The following TMEM242 variants were observed in gnomAD, a reference collection of about 807,000 sequenced individuals.
TMEM242 encodes the protein UPF0463 transmembrane protein C6orf35.
Under a neutral mutation model 18.2 loss-of-function variants are expected in TMEM242, and 10 were observed. That is an observed-to-expected ratio of 0.55 (90% CI 0.34 to 0.93). The LOEUF (loss-of-function observed/expected upper bound fraction) is 0.93. Ranked by LOEUF, TMEM242 falls within the 40% of genes least tolerant of loss-of-function variation. The probability of loss-of-function intolerance (pLI) is 0.02; values close to 1 mark genes in which losing one functional copy is unlikely to be tolerated. For synonymous variants in TMEM242, 57 were observed against 69.9 expected (o/e 0.81, Z 0.92); for missense variants, 186 against 175.5 (o/e 1.06, Z -0.34).
intron 3 of TMEM242, among the ~76,000 whole-genome samples, chr6:157,315,769 A>G (rs1011297134): frequency 4.6e-5 from 7 of 152,204 alleles, no homozygotes; most frequent in African/African-American, 1.7e-4. Context: ...TTCACATTCT[A>G]CCCATCTTCA....
At chr6:157,295,754 G>C (rs765696822) in intron 3 of TMEM242, among the ~76,000 whole-genome samples, 43 of 152,252 alleles carry the variant, frequency 2.8e-4, no homozygotes, top group Non-Finnish European at 5.7e-4. Flanking sequence ...TATCTGAAAA[G>C]TAACTAACTA....
At chr6:157,298,430 G>A (rs1777780304) in intron 3 of TMEM242, among the ~76,000 whole-genome samples, 1 of 152,112 alleles carries the variant, frequency 6.6e-6, no homozygotes, top group South Asian at 2.1e-4. Context: ...GCTACCATCA[G>A]ATCACTATTT....
chr6:157,291,311 C>T lies in TMEM242; in HGVS notation c.*1590G>A, dbSNP rs1395723903. The T allele has an allele frequency of 2.0e-5, 3 of 151,844 alleles. No individual in the cohort carries two copies. The highest frequency in any genetic ancestry group is 7.2e-5 in the African/African-American group (3 of 41,428). 9.4% of individuals were successfully genotyped at this position (151,844 alleles called of 1,614,324 possible). ...GTAGTGCCCATTCTTTTTCCCCCCA[C>T]ATCAAACGAGTAAAGTGCATCGTTG... is the stretch of plus-strand genomic sequence containing the variant. On this transcript the variant is annotated 3_prime_UTR_variant, in exon 4 of 4. Transcript: ENST00000400788.
Position 157,291,804 on chromosome 6 carries a change from GCTGA to G in TMEM242, c.*1093_*1096del, listed in dbSNP as rs1777687900. On this transcript the variant is annotated 3_prime_UTR_variant, in exon 4 of 4. Coordinates refer to ENST00000400788, the MANE Select transcript of TMEM242 (RefSeq NM_018452.6). ...CAAATGTCCTTTATTAAACCTGATT[GCTGA>G]CTAATTAGAGCCTAGGCAAGTAGGA... is the stretch of plus-strand genomic sequence containing the variant. 1.3e-5 allele frequency: 2 copies of G among 152,324 alleles called. No homozygotes were observed. Among genetic ancestry groups the G allele is most frequent in the South Asian group, 4.1e-4 (2 of 4,828 alleles). 9.4% of individuals were successfully genotyped at this position (152,324 alleles called of 1,614,324 possible). A position where few individuals can be genotyped will look rare whatever the true frequency, so the allele number is the denominator to read the frequency against.
chr6:157,314,220 G>A (rs1029090729), intron 3 of TMEM242, among the ~76,000 whole-genome samples: 1 of 151,042 alleles, frequency 6.6e-6, no homozygotes, highest in African/African-American at 2.4e-5. Flanking sequence ...TCATCATAGT[G>A]CCCCAGTGTG....
chr6:157,322,871 T>G, intron 1 of TMEM242, 66 bp from the exon 2 acceptor site: 1 of 1,364,828 alleles, frequency 7.3e-7, no homozygotes, highest in Non-Finnish European at 1.0e-6. Context: ...GTTAAAAAGA[T>G]GTACAAAAGT....
Position 157,292,955 on chromosome 6 carries a change from AATT to A in TMEM242, c.369_371del (p.Ile124del), listed in dbSNP as rs1459812136. On this transcript the variant is annotated inframe_deletion, in exon 4 of 4. Transcript: ENST00000400788. ...CAACAGCCGATTCGGAGTTCTTGGG[AATT>A]GTTGGAAATATTGATTGCATTTTAC... The A allele has an allele frequency of 6.2e-7, 1 of 1,613,634 alleles. No homozygotes were observed. Among genetic ancestry groups the A allele is most frequent in the Admixed American group, 1.7e-5 (1 of 60,000 alleles).
At chr6:157,312,741 C>G (rs1408050470) in intron 3 of TMEM242, among the ~76,000 whole-genome samples, 1 of 72,540 alleles carries the variant, frequency 1.4e-5, no homozygotes, top group African/African-American at 5.8e-5. Context: ...CCAGTGTGCG[C>G]TCACCTGGCC....
At chr6:157,313,157 G>T (rs1778248419) in intron 3 of TMEM242, among the ~76,000 whole-genome samples, 1 of 145,484 alleles carries the variant, frequency 6.9e-6, no homozygotes, top group Non-Finnish European at 1.5e-5. Context: ...CGCTCACCTG[G>T]CCTCATCATA....
chr6:157,307,423 A>AG (rs1319987593), intron 3 of TMEM242, among the ~76,000 whole-genome samples: 2 of 152,194 alleles, frequency 1.3e-5, no homozygotes, highest in Non-Finnish European at 2.9e-5. Flanking sequence ...TACTTATACA[A>AG]GGAAACAGGT....
At chr6:157,322,553 G>A (rs957643263) in intron 2 of TMEM242, 152 bp downstream of exon 2, 97 of 563,830 alleles carry the variant, frequency 1.7e-4, no homozygotes, top group Non-Finnish European at 2.4e-4. Flanking sequence ...TAAAGACTTG[G>A]TTAATTTGTA....
chr6:157,310,088 A>C (rs964079556), intron 3 of TMEM242, among the ~76,000 whole-genome samples: 4 of 152,226 alleles, frequency 2.6e-5, no homozygotes, highest in Non-Finnish European at 5.9e-5. Context: ...TCTCCTTCTA[A>C]GGGGAGGAAA....
At chr6:157,312,749 G>C (rs1778215092) in intron 3 of TMEM242, among the ~76,000 whole-genome samples, 4 of 61,016 alleles carry the variant, frequency 6.6e-5, no homozygotes, top group East Asian at 4.3e-4. Context: ...CGCTCACCTG[G>C]CCTCATCTTA....
At chr6:157,312,916 C>CTA (rs1778228176) in intron 3 of TMEM242, among the ~76,000 whole-genome samples, 3 of 152,228 alleles carry the variant, frequency 2.0e-5, no homozygotes, top group South Asian at 2.1e-4. Flanking sequence ...GTGCGCTCAC[C>CTA]CGGCATCATC....
At chr6:157,309,535 C>A (rs587717044) in intron 3 of TMEM242, among the ~76,000 whole-genome samples, 19 of 152,138 alleles carry the variant, frequency 1.2e-4, no homozygotes, top group Admixed American at 1.0e-3. Context: ...ACTACGGGCA[C>A]GTGCCACCAT....
At chr6:157,322,554 T>C (rs1778512697) in intron 2 of TMEM242, 151 bp downstream of exon 2, 1 of 565,974 alleles carries the variant, frequency 1.8e-6, no homozygotes, top group Non-Finnish European at 2.9e-6. Flanking sequence ...AAAGACTTGG[T>C]TAATTTGTAC....
At chr6:157,293,030 T>C in intron 3 of TMEM242, 31 bp from the exon 4 acceptor site, 2 of 1,561,384 alleles carry the variant, frequency 1.3e-6, no homozygotes, top group South Asian at 1.1e-5. Context: ...AGTTATCAAA[T>C]GTTAAAAGAA....
chr6:157,310,387 C>A (rs996752040), intron 3 of TMEM242, among the ~76,000 whole-genome samples: 4 of 116,148 alleles, frequency 3.4e-5, no homozygotes, highest in Non-Finnish European at 7.6e-5. Context: ...CTCACCTGGC[C>A]TCATCATAGT....
At chr6:157,296,208 G>A (rs1777747189) in intron 3 of TMEM242, among the ~76,000 whole-genome samples, 1 of 152,174 alleles carries the variant, frequency 6.6e-6, no homozygotes, top group Non-Finnish European at 1.5e-5. Flanking sequence ...AAGTCTGGTG[G>A]GGGGTATGCT....
Sources: allele counts gnomAD v4.1 joint callset (sites outside exome capture counted in the v4.1 genomes callset), GRCh38; gene constraint gnomAD v4.1.1; transcripts MANE v1.5; gene names NCBI Gene and HGNC (gene_info 2026-07-23, HGNC 2026-07-21).